Variants in KCNMA1 observed in about 807,000 individuals in gnomAD.
KCNMA1 encodes Calcium-activated potassium channel subunit alpha-1.
Under a neutral mutation model 140.0 loss-of-function variants are expected in KCNMA1, and 29 were observed. That is an observed-to-expected ratio of 0.21 (90% CI 0.15 to 0.28). The LOEUF (loss-of-function observed/expected upper bound fraction) is 0.28. Ranked by LOEUF, KCNMA1 falls within the 10% of genes least tolerant of loss-of-function variation. The pLI, the probability that KCNMA1 is intolerant of heterozygous loss-of-function variation, is 1.00. For synonymous variants in KCNMA1, 612 were observed against 611.9 expected (o/e 1.00, Z 0.00); for missense variants, 880 against 1,602.2 (o/e 0.55, Z 7.70).
intron 18 of KCNMA1, among the ~76,000 whole-genome samples, chr10:77,007,870 C>T (rs1475727170): frequency 6.6e-6 from 1 of 151,754 alleles, no homozygotes; most frequent in Non-Finnish European, 1.5e-5. Flanking sequence ...TGAGACAAGG[C>T]CTTCAAGAGA....
intron 2 of KCNMA1, among the ~76,000 whole-genome samples, chr10:77,400,132 G>A (rs2096213815): frequency 6.6e-6 from 1 of 152,248 alleles, no homozygotes; most frequent in South Asian, 2.1e-4. Flanking sequence ...GACAAACACA[G>A]CTTTGGGTTC....
chr10:76,951,269 T>C (rs778462108), intron 21 of KCNMA1, among the ~76,000 whole-genome samples: 1 of 152,162 alleles, frequency 6.6e-6, no homozygotes, highest in Non-Finnish European at 1.5e-5. Context: ...ATGAATATCC[T>C]AATTCTAGAG....
intron 2 of KCNMA1, among the ~76,000 whole-genome samples, chr10:77,347,598 G>A (rs367702745): frequency 3.3e-5 from 5 of 152,088 alleles, no homozygotes; most frequent in East Asian, 3.9e-4. Context: ...CCTCTTTACC[G>A]CTCGGGTGTG....
chr10:77,340,456 C>T (rs555087932), intron 2 of KCNMA1, among the ~76,000 whole-genome samples: 2 of 152,236 alleles, frequency 1.3e-5, no homozygotes, highest in East Asian at 3.9e-4. Context: ...GGACTTGGAA[C>T]CAACCCAAAC....
intron 1 of KCNMA1, among the ~76,000 whole-genome samples, chr10:77,521,932 T>C (rs2053533615): frequency 6.6e-6 from 1 of 152,156 alleles, no homozygotes; most frequent in East Asian, 1.9e-4. Context: ...TCCCAGCACT[T>C]TGGGAGGTCG....
chr10:77,127,115 C>T (rs935442663), intron 5 of KCNMA1, among the ~76,000 whole-genome samples: 8 of 93,902 alleles, frequency 8.5e-5, no homozygotes, highest in Admixed American at 1.2e-4. Flanking sequence ...CACACACACA[C>T]ACACAGAGTA....
intron 1 of KCNMA1, among the ~76,000 whole-genome samples, chr10:77,465,221 G>A (rs1001071314): frequency 2.6e-5 from 4 of 152,306 alleles, no homozygotes; most frequent in Middle Eastern, 3.4e-3. Flanking sequence ...AGCAAACTGC[G>A]TTGCCTTCCC....
intron 1 of KCNMA1, among the ~76,000 whole-genome samples, chr10:77,570,930 C>CA (rs376767570): frequency 0.71 from 102,199 of 144,936 alleles, 36,550 homozygotes; most frequent in East Asian, 0.85. Context: ...GACTCTGTCT[C>CA]AAAAAAAAAA....
At chr10:77,349,235 G>A (rs1247313156) in intron 2 of KCNMA1, among the ~76,000 whole-genome samples, 1 of 152,142 alleles carries the variant, frequency 6.6e-6, no homozygotes, top group East Asian at 1.9e-4. Flanking sequence ...AGAGCCTCCA[G>A]AGAGCTGCCT....
At chr10:77,105,430 G>T (rs1472284828) in intron 9 of KCNMA1, among the ~76,000 whole-genome samples, 3 of 152,100 alleles carry the variant, frequency 2.0e-5, no homozygotes, top group Non-Finnish European at 4.4e-5. Context: ...AATAATCTTT[G>T]AATTTCAAAG....
At chr10:77,555,350 G>C (rs2064003767) in intron 1 of KCNMA1, among the ~76,000 whole-genome samples, 1 of 152,094 alleles carries the variant, frequency 6.6e-6, no homozygotes, top group African/African-American at 2.4e-5. Context: ...TATAGGATGA[G>C]AGTATCCAGG....
intron 18 of KCNMA1, among the ~76,000 whole-genome samples, chr10:77,010,469 C>T (rs2090435423): frequency 6.6e-6 from 1 of 151,732 alleles, no homozygotes; most frequent in Non-Finnish European, 1.5e-5. Flanking sequence ...AATTCTTGTC[C>T]CAAGAAATTA....
intron 20 of KCNMA1, among the ~76,000 whole-genome samples, chr10:76,955,987 G>A (rs1482837006): frequency 6.6e-6 from 1 of 152,140 alleles, no homozygotes; most frequent in Non-Finnish European, 1.5e-5. Context: ...GATGACCTGA[G>A]ACCTGCCCCT....
intron 20 of KCNMA1, among the ~76,000 whole-genome samples, chr10:76,957,127 C>CAAAAAAAAAAA: frequency 1.4e-5 from 1 of 71,372 alleles, no homozygotes; most frequent in Non-Finnish European, 2.5e-5. Flanking sequence ...GACTCTGTCT[C>CAAAAAAAAAAA]AAAAAAAAAA....
chr10:76,947,567 A>G (rs769489323), intron 22 of KCNMA1, among the ~76,000 whole-genome samples: 5 of 152,286 alleles, frequency 3.3e-5, no homozygotes, highest in Non-Finnish European at 5.9e-5. Context: ...AAAGATAACC[A>G]TGGAATCATA....
chr10:77,276,144 C>T (rs1352708690), intron 2 of KCNMA1, among the ~76,000 whole-genome samples: 2 of 152,188 alleles, frequency 1.3e-5, no homozygotes, highest in East Asian at 1.9e-4. Flanking sequence ...CTCACAGACA[C>T]GCACAGAATC....
chr10:76,915,538 C>A (rs1328545772), intron 23 of KCNMA1, among the ~76,000 whole-genome samples: 12 of 152,168 alleles, frequency 7.9e-5, no homozygotes. Context: ...CAGCCCTGGA[C>A]AGTTACCCAG....
intron 2 of KCNMA1, among the ~76,000 whole-genome samples, chr10:77,332,717 C>T (rs2086952505): frequency 1.3e-5 from 2 of 152,308 alleles, no homozygotes; most frequent in Admixed American, 1.3e-4. Context: ...CATGGGATCA[C>T]AGCAAGGAGG....
intron 20 of KCNMA1, among the ~76,000 whole-genome samples, chr10:76,964,204 C>T (rs762657365): frequency 7.9e-5 from 12 of 151,984 alleles, no homozygotes; most frequent in South Asian, 2.1e-4. Flanking sequence ...ACAAAACTCT[C>T]AGGCCAGGCT....
Sources: gnomAD v4.1 joint callset for allele counts (sites outside exome capture counted in the v4.1 genomes callset) on GRCh38, gnomAD v4.1.1 for gene constraint, MANE v1.5 for transcripts, NCBI Gene and HGNC (gene_info 2026-07-23, HGNC 2026-07-21) for gene names.